The following FAM171A2 variants were observed in gnomAD, a reference collection of about 807,000 sequenced individuals.
FAM171A2 encodes family with sequence similarity 171 member A2, also known as protein FAM171A2.
Under a neutral mutation model 34.2 loss-of-function variants are expected in FAM171A2, and 13 were observed. The ratio of observed to expected loss-of-function variants is 0.38; its 90% CI spans 0.25 to 0.60. The LOEUF is 0.60. Among genes scored for constraint, FAM171A2 ranks in the 20% least tolerant of loss-of-function variants. The pLI is 0.62. For missense variants in FAM171A2, 950 were observed against 1,180.7 expected (o/e 0.80, Z 2.86); for synonymous variants, 475 against 561.2 (o/e 0.85, Z 2.17).
chr17:44,362,585 A>G (rs977272646), intron 1 of FAM171A2, among the ~76,000 whole-genome samples: 4 of 152,002 alleles, frequency 2.6e-5, no homozygotes, highest in African/African-American at 9.7e-5. Context: ...CGGGAGGTGG[A>G]CTCAGGACTG....
rs1048913302 is a variant in FAM171A2 at position 44,361,636 on chromosome 17, G to A, written c.119-1504C>T. Among the ~76,000 whole-genome samples, 6 of 152,224 alleles carry A rather than the reference G, an allele frequency of 3.9e-5. No individual in the cohort carries two copies. In the East Asian group the frequency reaches 7.7e-4, roughly 20 times the overall value. ...CCCAGGCCAGAGCCCAACCCTGCAG[G>A]GTGGGTGCACACTCCACTCACTCTC... On this transcript the variant is annotated intron_variant, in intron 1 of 7. Transcript: ENST00000293443.
chr17:44,355,677 A>C lies in FAM171A2; in HGVS notation c.1022+38T>G. The stretch of plus-strand genomic sequence containing the variant: ...CATCTTTGGGGCCCCAGGGCCCGGT[A>C]CAAGTGCAGGGGAGGGTGAGGGAAG... On this transcript the variant is annotated intron_variant, in intron 7 of 7. Transcript: ENST00000293443. This position sits in a 1 kb window ranked among gnomAD's most constrained non-coding sequence, Gnocchi z 4.1. The C allele has an allele frequency of 6.4e-7, 1 of 1,550,424 alleles. No homozygotes were observed. The highest frequency in any genetic ancestry group is 8.7e-7 in the Non-Finnish European group (1 of 1,146,422).
At chr17:44,360,709 G>C (rs138310748) in intron 1 of FAM171A2, among the ~76,000 whole-genome samples, 2,210 of 152,266 alleles carry the variant, frequency 0.015, 59 homozygotes, top group African/African-American at 0.05. Context: ...GAGGAGAAGG[G>C]TCAAGATTCA....
chr17:44,356,312 C>T lies in FAM171A2; in HGVS notation c.639G>A (p.Val213=), dbSNP rs566825144. The T allele has an allele frequency of 4.5e-6, 7 of 1,549,714 alleles. No individual in the cohort carries two copies. The East Asian group carries it at 7.3e-5, about 16-fold the overall frequency. ...CATTACCTGTCAGCAGGTGCACGCTCACAGCAGTCAGGGGCATCAGCTCCA... is the reference window on the plus strand; with the variant it reads ...CATTACCTGTCAGCAGGTGCACGCTTACAGCAGTCAGGGGCATCAGCTCCA... ...SWLELMPLTA[V]SVHLLTGNGT... The change falls in exon 5 of 8, where the codon GTG becomes GTA. Residue 213 remains valine (V), a synonymous_variant. Transcript: ENST00000293443.
intron 1 of FAM171A2, among the ~76,000 whole-genome samples, chr17:44,361,278 C>G (rs9895633): frequency 0.015 from 2,252 of 152,332 alleles, 57 homozygotes; most frequent in African/African-American, 0.051. Context: ...GCCCCTCCCT[C>G]AAGAACACAC....
chr17:44,357,872 C>T (rs758747001), intron 3 of FAM171A2, among the ~76,000 whole-genome samples: 47 of 152,148 alleles, frequency 3.1e-4, no homozygotes, highest in South Asian at 1.5e-3. Context: ...CTATATTAAC[C>T]CCTGCAATTA....
chr17:44,358,430 C>T (rs918747473), intron 3 of FAM171A2, among the ~76,000 whole-genome samples: 5 of 152,116 alleles, frequency 3.3e-5, no homozygotes, highest in Admixed American at 3.3e-4. Flanking sequence ...AAGTGACTCG[C>T]GCCTGTAATC....
chr17:44,356,305 G>T lies in FAM171A2; in HGVS notation c.646C>A (p.His216Asn). Residue 216 changes from histidine to asparagine, a missense_variant, in exon 5 of 8, where the codon CAC becomes AAC. Physicochemically the swap from His to Asn is moderately conservative, Grantham distance 68 (BLOSUM62 1). Transcript: ENST00000293443. ...ELMPLTAVSV[H>N]LLTGNGTEVP... Reference sequence around the variant, plus strand: ...TCTGTCCCATTACCTGTCAGCAGGTGCACGCTCACAGCAGTCAGGGGCATC... The same window carrying T: ...TCTGTCCCATTACCTGTCAGCAGGTTCACGCTCACAGCAGTCAGGGGCATC... 6.4e-7 allele frequency: 1 copy of T among 1,550,442 alleles called. No homozygotes were observed. Among genetic ancestry groups the T allele is most frequent in the Non-Finnish European group, 8.7e-7 (1 of 1,146,356 alleles).
Position 44,353,719 on chromosome 17 carries a change from GCCCTGCGCGGGC to G in FAM171A2, c.*2_*13del. ...GCCCGCGCGGGAGGGGCGGTGCCAG[GCCCTGCGCGGGC>G]GCTACTTGACGTTGAACACCATCAG... On this transcript the variant is annotated 3_prime_UTR_variant, in exon 8 of 8. Coordinates refer to ENST00000293443, the MANE Select transcript of FAM171A2 (RefSeq NM_198475.3). 1 of 1,376,448 alleles carries G rather than the reference GCCCTGCGCGGGC, an allele frequency of 7.3e-7. No homozygotes were observed. The allele number at this position is 1,376,448 out of a possible 1,614,324, so 85.3% of individuals were successfully genotyped here.
chr17:44,356,677 G>T (rs139320424), intron 3 of FAM171A2, 89 bp from the exon 4 acceptor site: 3 of 1,405,014 alleles, frequency 2.1e-6, no homozygotes, highest in African/African-American at 2.9e-5. Context: ...GGAAAAGGGG[G>T]ACATGAGGTC....
rs1356926423 is a variant in FAM171A2, at chr17:44,353,660, C to T, written c.*73G>A. The stretch of plus-strand genomic sequence containing the variant: ...GGCTGGGAGCTACGCGCGAGGGCCC[C>T]CGCGGGCCCCCGGGGCGCGCACCCT... On this transcript the variant is annotated 3_prime_UTR_variant, in exon 8 of 8. Transcript: ENST00000293443. 1 of 1,138,032 alleles carries T rather than the reference C, an allele frequency of 8.8e-7. No individual in the cohort carries two copies. Among genetic ancestry groups the T allele is most frequent in the Non-Finnish European group, 1.1e-6 (1 of 915,230 alleles). 70.5% of individuals were successfully genotyped at this position (1,138,032 alleles called of 1,614,324 possible). A position where few individuals can be genotyped will look rare whatever the true frequency, so the allele number is the denominator to read the frequency against.
chr17:44,359,050 C>T (rs1183045204), intron 3 of FAM171A2: 1 of 155,988 alleles, frequency 6.4e-6, no homozygotes. Flanking sequence ...TTGCAATGAT[C>T]TGTCTTCCTA....
chr17:44,359,720 C>T (rs2048440195), intron 2 of FAM171A2, 49 bp from the exon 3 acceptor site: 1 of 1,467,086 alleles, frequency 6.8e-7, no homozygotes, highest in Non-Finnish European at 9.2e-7. Context: ...CCCCCTACCC[C>T]CCAGCCAGGC....
At position 44,363,651 on chromosome 17, in the gene FAM171A2, C is replaced by A; in HGVS notation, c.64G>T (p.Gly22Cys). The A allele has an allele frequency of 1.6e-6, 2 of 1,228,492 alleles. No individual in the cohort carries two copies. The highest frequency in any genetic ancestry group is 4.0e-5 in the South Asian group (1 of 25,220). The allele number at this position is 1,228,492 out of a possible 1,614,324, so 76.1% of individuals were successfully genotyped here. A position where few individuals can be genotyped will look rare whatever the true frequency, so the allele number is the denominator to read the frequency against. The part of the protein sequence containing the change: ...RLLPLLGLLL[G>C]SASRAPGKSP... ...TTGCCGGGAGCCCGGGAGGCGCTGC[C>A]GAGCAGCAGCCCCAGCAGCGGCAAC... Residue 22 changes from glycine to cysteine, a missense_variant, in exon 1 of 8, where the codon GGC becomes TGC. This residue lies in a region of FAM171A2 where 752 missense variants were observed against 924.5 expected (regional missense o/e 0.81). Transcript: ENST00000293443.
chr17:44,358,997 CCTCCA>C (rs1375280921), intron 3 of FAM171A2: 2 of 153,306 alleles, frequency 1.3e-5, no homozygotes, highest in African/African-American at 4.8e-5. Context: ...AAGCAGCTGC[CCTCCA>C]CTCCACTGCC....
chr17:44,354,749 C>G lies in FAM171A2; in HGVS notation c.1465G>C (p.Gly489Arg). The change falls in exon 8 of 8, where the codon GGG becomes CGG. Residue 489 changes from glycine (G) to arginine (R), a missense_variant. Coordinates refer to ENST00000293443, the MANE Select transcript of FAM171A2 (RefSeq NM_198475.3). The surrounding 1 kb of genome is among the most constrained non-coding windows in gnomAD (Gnocchi z 5.8). ...TCGGGGGTCTTGCCCTCGGCCGCCC[C>G]CTTGTGGCCCAGGTAGTGGTCGAAG... ...PPFDHYLGHKGAAEGKTPDFL... is the reference protein window; with the variant it reads ...PPFDHYLGHKRAAEGKTPDFL... The G allele has an allele frequency of 4.6e-6, 6 of 1,310,816 alleles. No individual in the cohort carries two copies. The East Asian group carries it at 1.9e-4, about 41-fold the overall frequency. 81.2% of individuals were successfully genotyped at this position (1,310,816 alleles called of 1,614,324 possible). A position where few individuals can be genotyped will look rare whatever the true frequency, so the allele number is the denominator to read the frequency against.
At position 44,355,703 on chromosome 17, in the gene FAM171A2, C is replaced by T; in HGVS notation, c.1022+12G>A. On this transcript the variant is annotated intron_variant, in intron 7 of 7. Coordinates refer to ENST00000293443, the MANE Select transcript of FAM171A2 (RefSeq NM_198475.3). This position sits in a 1 kb window ranked among gnomAD's most constrained non-coding sequence, Gnocchi z 4.1. Reference sequence around the variant, plus strand: ...CAAGTGCAGGGGAGGGTGAGGGAAGCCCCGTGCTCACCGGCAGTAGTAGAT... The same window carrying T: ...CAAGTGCAGGGGAGGGTGAGGGAAGTCCCGTGCTCACCGGCAGTAGTAGAT... The T allele has an allele frequency of 1.3e-6, 2 of 1,551,420 alleles. No individual in the cohort carries two copies. The highest frequency in any genetic ancestry group is 1.7e-6 in the Non-Finnish European group (2 of 1,146,956).
intron 3 of FAM171A2, 86 bp from the exon 4 acceptor site, chr17:44,356,674 G>A: frequency 7.1e-7 from 1 of 1,409,314 alleles, no homozygotes; most frequent in Non-Finnish European, 9.3e-7. Context: ...TAAGGAAAAG[G>A]GGGACATGAG....
rs1188532601 is a variant in FAM171A2, at chr17:44,353,631, C to T, written c.*102G>A. 2.1e-6 allele frequency: 2 copies of T among 945,990 alleles called. No individual in the cohort carries two copies. The highest frequency in any genetic ancestry group is 5.1e-5 in the South Asian group (1 of 19,622). The allele number at this position is 945,990 out of a possible 1,614,324, so 58.6% of individuals were successfully genotyped here. ...CAAGGCCCCTGGGCCCCTCTCCGGC[C>T]TGGGGCTGGGAGCTACGCGCGAGGG... On this transcript the variant is annotated 3_prime_UTR_variant, in exon 8 of 8. Transcript: ENST00000293443.
Sources: allele counts gnomAD v4.1 joint callset (sites outside exome capture counted in the v4.1 genomes callset), GRCh38; gene constraint gnomAD v4.1.1; regional missense constraint gnomAD v4.1.1; non-coding constraint Gnocchi (gnomAD v3.1); transcripts MANE v1.5; gene names NCBI Gene and HGNC (gene_info 2026-07-23, HGNC 2026-07-21).